Variants in ANKRD30B observed in about 807,000 individuals in gnomAD.
ANKRD30B encodes ankyrin repeat domain 30B.
Under a neutral mutation model 202.2 loss-of-function variants are expected in ANKRD30B, and 144 were observed. That is an observed-to-expected ratio of 0.71 (90% CI 0.62 to 0.82). ANKRD30B has a LOEUF of 0.82. Ranked by LOEUF, ANKRD30B falls within the 40% of genes least tolerant of loss-of-function variation. The pLI is 0.00. For synonymous variants in ANKRD30B, 508 were observed against 561.3 expected, an observed-to-expected ratio of 0.91 and a Z score of 1.34; for missense variants, 1,487 against 1,669.1, an observed-to-expected ratio of 0.89 and a Z score of 1.90.
At chr18:14,764,645 C>T (rs1370990469) in intron 7 of ANKRD30B, among the ~76,000 whole-genome samples, 1 of 152,110 alleles carries the variant, frequency 6.6e-6, no homozygotes, top group Non-Finnish European at 1.5e-5. Flanking sequence ...GCCTTGGCCT[C>T]CAAAAGTGCT....
chr18:14,930,664 C>T, the ANKRD30B span, among the ~76,000 whole-genome samples: 1 of 152,130 alleles, frequency 6.6e-6, no homozygotes, highest in African/African-American at 2.4e-5. Flanking sequence ...TGAGGCCCTT[C>T]CTGGAGTCTC....
chr18:14,882,265 C>T, the ANKRD30B span, among the ~76,000 whole-genome samples: 1 of 152,188 alleles, frequency 6.6e-6, no homozygotes, highest in African/African-American at 2.4e-5. Flanking sequence ...AAACTTTCCT[C>T]TTAGCACTGC....
At chr18:14,793,842 C>G (rs1024741208) in intron 16 of ANKRD30B, among the ~76,000 whole-genome samples, 7 of 151,388 alleles carry the variant, frequency 4.6e-5, no homozygotes, top group East Asian at 1.9e-4. Context: ...TGTATTCTGC[C>G]GAGATCTCAA....
intron 33 of ANKRD30B, chr18:14,830,134 A>T (rs977578114): frequency 6.5e-6 from 1 of 154,718 alleles, no homozygotes; most frequent in Non-Finnish European, 1.5e-5. Context: ...GATGAGCTAA[A>T]TATTTAAAGG....
At chr18:14,846,394 T>G (rs1255937176) in intron 39 of ANKRD30B, among the ~76,000 whole-genome samples, 2 of 151,918 alleles carry the variant, frequency 1.3e-5, no homozygotes, top group Admixed American at 1.3e-4. Context: ...ACTTAAATCC[T>G]TCTTAATCCT....
chr18:14,752,142 T>C (rs1167597100), intron 1 of ANKRD30B, among the ~76,000 whole-genome samples: 1 of 152,178 alleles, frequency 6.6e-6, no homozygotes, highest in African/African-American at 2.4e-5. Flanking sequence ...AATTATAATA[T>C]CTAACAATTA....
chr18:14,917,595 C>T, the ANKRD30B span, among the ~76,000 whole-genome samples: 5 of 152,188 alleles, frequency 3.3e-5, no homozygotes, highest in Non-Finnish European at 7.3e-5. Context: ...GGGATTTATT[C>T]AGAGTCAAGT....
At chr18:14,784,716 T>TA (rs1041867990) in intron 14 of ANKRD30B, among the ~76,000 whole-genome samples, 181 bp downstream of exon 14, 52 of 150,342 alleles carry the variant, frequency 3.5e-4, no homozygotes, top group Non-Finnish European at 6.5e-4. Context: ...TTTCAATATA[T>TA]TTTTTTTAAA....
intron 34 of ANKRD30B, among the ~76,000 whole-genome samples, chr18:14,832,688 A>G (rs900895760): frequency 7.2e-5 from 11 of 152,338 alleles, no homozygotes; most frequent in African/African-American, 2.2e-4. Flanking sequence ...GATAATATGC[A>G]TAATATACCT....
chr18:14,892,278 C>T, the ANKRD30B span, among the ~76,000 whole-genome samples: 1 of 152,136 alleles, frequency 6.6e-6, no homozygotes, highest in East Asian at 1.9e-4. Flanking sequence ...TTTTACAGAA[C>T]AATTGTAAAA....
the ANKRD30B span, among the ~76,000 whole-genome samples, chr18:14,873,337 A>G: frequency 6.6e-6 from 1 of 152,078 alleles, no homozygotes; most frequent in Non-Finnish European, 1.5e-5. Context: ...CAGCCTGGCC[A>G]ACATGGTGAA....
chr18:14,904,117 A>C, the ANKRD30B span, among the ~76,000 whole-genome samples: 45 of 152,306 alleles, frequency 3.0e-4, no homozygotes, highest in Non-Finnish European at 1.8e-4. Flanking sequence ...AGACCTCATC[A>C]CATGGGCCAT....
intron 9 of ANKRD30B, among the ~76,000 whole-genome samples, chr18:14,777,702 G>A (rs964141899): frequency 6.6e-6 from 1 of 151,684 alleles, no homozygotes; most frequent in Non-Finnish European, 1.5e-5. Flanking sequence ...AGTGCTTTGG[G>A]AGGCTGAGGC....
the ANKRD30B span, among the ~76,000 whole-genome samples, chr18:14,883,357 C>CTCTG: frequency 6.9e-5 from 8 of 115,750 alleles, no homozygotes; most frequent in African/African-American, 1.4e-4. Flanking sequence ...CTTTCTCTCT[C>CTCTG]TCTGTCTGTC....
At chr18:14,898,338 G>A in the ANKRD30B span, among the ~76,000 whole-genome samples, 1 of 152,038 alleles carries the variant, frequency 6.6e-6, no homozygotes, top group East Asian at 1.9e-4. Context: ...AAATCGTCAG[G>A]CATTAGTGAG....
intron 4 of ANKRD30B, among the ~76,000 whole-genome samples, chr18:14,756,627 T>C (rs1245274450): frequency 3.9e-5 from 6 of 152,216 alleles, no homozygotes; most frequent in African/African-American, 1.2e-4. Flanking sequence ...GGCATGGTAG[T>C]TGTTGCCTGT....
At chr18:14,918,490 G>T in the ANKRD30B span, among the ~76,000 whole-genome samples, 1 of 152,118 alleles carries the variant, frequency 6.6e-6, no homozygotes, top group African/African-American at 2.4e-5. Flanking sequence ...ATTCAAAGCT[G>T]TTAGGACAGG....
chr18:14,890,127 G>C, the ANKRD30B span: 2 of 878,188 alleles, frequency 2.3e-6, no homozygotes, highest in Non-Finnish European at 3.7e-6. Context: ...TCAGGTATTC[G>C]TTCAGCTTTG....
the ANKRD30B span, among the ~76,000 whole-genome samples, chr18:14,902,184 C>A: frequency 1.3e-5 from 2 of 152,084 alleles, no homozygotes; most frequent in African/African-American, 4.8e-5. Flanking sequence ...TCCCTGCCAC[C>A]CCCTCCCCAC....
Sources: allele counts gnomAD v4.1 joint callset (sites outside exome capture counted in the v4.1 genomes callset), GRCh38; gene constraint gnomAD v4.1.1; transcripts MANE v1.5; gene names NCBI Gene and HGNC (gene_info 2026-07-23, HGNC 2026-07-21).